The following NTN1 variants were observed in gnomAD, a reference collection of about 807,000 sequenced individuals.
NTN1 encodes the protein netrin 1.
Under a neutral mutation model 54.2 loss-of-function variants are expected in NTN1, and 11 were observed. That is an observed-to-expected ratio of 0.20 (90% CI 0.13 to 0.34). The LOEUF (loss-of-function observed/expected upper bound fraction) is 0.34, where lower values mean the gene tolerates loss of function less well. Ranked by LOEUF, NTN1 falls within the 10% of genes least tolerant of loss-of-function variation. The probability of loss-of-function intolerance (pLI) is 1.00; values close to 1 mark genes in which losing one functional copy is unlikely to be tolerated. For synonymous variants in NTN1, 371 were observed against 382.0 expected (o/e 0.97, Z 0.33); for missense variants, 740 against 893.1 (o/e 0.83, Z 2.18).
chr17:9,009,917 T>TC, the NTN1 span, among the ~76,000 whole-genome samples: 1 of 152,168 alleles, frequency 6.6e-6, no homozygotes, highest in Non-Finnish European at 1.5e-5. Flanking sequence ...TTGCTCAACC[T>TC]CCCTGACGTC....
At chr17:9,213,184 G>A (rs974147252) in intron 5 of NTN1, among the ~76,000 whole-genome samples, 3 of 152,242 alleles carry the variant, frequency 2.0e-5, no homozygotes, top group African/African-American at 4.8e-5. Flanking sequence ...GGCCTGCTGC[G>A]AGCCAGGCAG....
At chr17:9,050,042 T>G (rs1221288308) in intron 2 of NTN1, among the ~76,000 whole-genome samples, 1 of 151,458 alleles carries the variant, frequency 6.6e-6, no homozygotes, top group Non-Finnish European at 1.5e-5. Context: ...GTCAGGAGAT[T>G]GAGACCATCC....
chr17:9,121,652 T>C (rs1353083090), intron 2 of NTN1, among the ~76,000 whole-genome samples: 1 of 152,188 alleles, frequency 6.6e-6, no homozygotes, highest in Admixed American at 6.5e-5. Context: ...CATAGGAATG[T>C]GGCCTGGAGG....
chr17:9,048,180 C>T (rs988698501), intron 2 of NTN1, among the ~76,000 whole-genome samples: 3 of 152,194 alleles, frequency 2.0e-5, no homozygotes, highest in African/African-American at 4.8e-5. Flanking sequence ...AGAAATTACT[C>T]CTTGGTCCAT....
At chr17:9,114,143 C>CAA (rs1491305006) in intron 2 of NTN1, among the ~76,000 whole-genome samples, 6 of 61,084 alleles carry the variant, frequency 9.8e-5, no homozygotes, top group African/African-American at 1.9e-4. Flanking sequence ...GCCTGGGTGC[C>CAA]AAAAAAAAAG....
intron 2 of NTN1, among the ~76,000 whole-genome samples, chr17:9,053,135 G>A (rs1046698889): frequency 1.3e-5 from 2 of 152,166 alleles, no homozygotes; most frequent in East Asian, 1.9e-4. Context: ...ACACAGCCAC[G>A]CCCATTTGTT....
Position 9,221,147 on chromosome 17 carries a change from T to TGCCCCC in NTN1, c.1412-21_1412-20insGCCCCC. On this transcript the variant is annotated intron_variant, in intron 5 of 6. Transcript: ENST00000173229. This position sits in a 1 kb window ranked among gnomAD's most constrained non-coding sequence, Gnocchi z 4.5. ...CAGCCTAATTAGTTTTTGTCTGTGCTCCCCCCCCACCCCCCTGCAGACTGC... is the reference window on the plus strand; with the variant it reads ...CAGCCTAATTAGTTTTTGTCTGTGCTGCCCCCCCCCCCCCACCCCCCTGCAGACTGC... The TGCCCCC allele has an allele frequency of 7.7e-6, 10 of 1,303,778 alleles. No individual in the cohort carries two copies. Among genetic ancestry groups the TGCCCCC allele is most frequent in the Non-Finnish European group, 1.0e-5 (10 of 952,850 alleles). The allele number at this position is 1,303,778 out of a possible 1,614,324, so 80.8% of individuals were successfully genotyped here.
Position 9,058,561 on chromosome 17 carries a change from C to T in NTN1, c.1018+35170C>T, listed in dbSNP as rs544275376. On this transcript the variant is annotated intron_variant, in intron 2 of 6. Coordinates refer to ENST00000173229, the MANE Select transcript of NTN1 (RefSeq NM_004822.3). ...ATCCATAAAGTGGGGATTATTATAC[C>T]GACCTTGTAGGATACCTTATAGGAT... 1.0e-4 allele frequency among the ~76,000 whole-genome samples: 15 copies of T among 143,216 alleles called. No individual in the cohort carries two copies. In the South Asian group the frequency reaches 1.1e-3, roughly 10 times the overall value. 94.0% of individuals were successfully genotyped at this position (143,216 alleles called of 152,430 possible). A position where few individuals can be genotyped will look rare whatever the true frequency, so the allele number is the denominator to read the frequency against.
intron 3 of NTN1, among the ~76,000 whole-genome samples, chr17:9,178,228 C>T (rs760524174): frequency 6.6e-6 from 1 of 152,180 alleles, no homozygotes; most frequent in Non-Finnish European, 1.5e-5. Context: ...AGCATTACTT[C>T]TATCTATAAG....
At chr17:9,098,761 G>T (rs989513324) in intron 2 of NTN1, among the ~76,000 whole-genome samples, 1 of 152,088 alleles carries the variant, frequency 6.6e-6, no homozygotes, top group Non-Finnish European at 1.5e-5. Context: ...TGGTTTTTAG[G>T]GAGAGAAGCG....
At chr17:9,102,202 C>G (rs1000455174) in intron 2 of NTN1, among the ~76,000 whole-genome samples, 13 of 152,176 alleles carry the variant, frequency 8.5e-5, no homozygotes, top group African/African-American at 3.1e-4. Context: ...TCCATTCTCA[C>G]ATTGCTAATA....
intron 2 of NTN1, among the ~76,000 whole-genome samples, chr17:9,149,566 G>A (rs1346948783): frequency 6.6e-6 from 1 of 152,096 alleles, no homozygotes; most frequent in Non-Finnish European, 1.5e-5. Context: ...CAGGTCCCTG[G>A]CAACATCTCT....
chr17:9,139,292 C>T (rs528559810), intron 2 of NTN1, among the ~76,000 whole-genome samples: 32 of 152,178 alleles, frequency 2.1e-4, no homozygotes, highest in Non-Finnish European at 4.4e-5. Flanking sequence ...GAGCAGGTAC[C>T]GGAGGGCCAG....
intron 3 of NTN1, among the ~76,000 whole-genome samples, chr17:9,168,640 G>A (rs888917445): frequency 6.6e-6 from 1 of 152,106 alleles, no homozygotes; most frequent in African/African-American, 2.4e-5. Context: ...GTGCTTGCAC[G>A]TGTGTGTGTG....
intron 2 of NTN1, among the ~76,000 whole-genome samples, chr17:9,070,941 T>C (rs2092030132): frequency 6.6e-6 from 1 of 151,864 alleles, no homozygotes; most frequent in African/African-American, 2.4e-5. Context: ...AAGTCATCAT[T>C]TGGTAGGGGC....
rs200276891 is a variant in NTN1 at position 9,163,017 on chromosome 17, C to T, written c.1207+16C>T. The stretch of plus-strand genomic sequence containing the variant: ...GCCTGCAAAGGTGGGCTACACGTGG[C>T]GGGGCGGGGGGCTGGGGAGACCCGG... On this transcript the variant is annotated intron_variant, in intron 3 of 6. Coordinates refer to ENST00000173229, the MANE Select transcript of NTN1 (RefSeq NM_004822.3). 7.1e-5 allele frequency: 112 copies of T among 1,566,860 alleles called. No homozygotes were observed. In the African/African-American group the frequency reaches 1.0e-3, roughly 14 times the overall value.
At chr17:9,094,988 CA>C (rs71135941) in intron 2 of NTN1, among the ~76,000 whole-genome samples, 38 of 99,914 alleles carry the variant, frequency 3.8e-4, no homozygotes, top group Admixed American at 5.6e-4. Context: ...GACTCCGTCT[CA>C]AAAAAAAAAA....
At chr17:9,181,637 C>T (rs1036496634) in intron 4 of NTN1, among the ~76,000 whole-genome samples, 2 of 152,178 alleles carry the variant, frequency 1.3e-5, no homozygotes, top group African/African-American at 2.4e-5. Flanking sequence ...AGGATGCCTC[C>T]GGTGCCTCTC....
intron 2 of NTN1, among the ~76,000 whole-genome samples, chr17:9,077,946 T>C (rs115200459): frequency 2.0e-5 from 3 of 152,298 alleles, no homozygotes; most frequent in East Asian, 3.9e-4. Context: ...GATGTTTGCC[T>C]TAACAGGTTT....
Sources: gnomAD v4.1 joint callset for allele counts (sites outside exome capture counted in the v4.1 genomes callset) on GRCh38, gnomAD v4.1.1 for gene constraint, Gnocchi (gnomAD v3.1) non-coding constraint, MANE v1.5 for transcripts, NCBI Gene and HGNC (gene_info 2026-07-23, HGNC 2026-07-21) for gene names.